Variants in EIF4G3 observed in about 807,000 individuals in gnomAD.
EIF4G3 encodes eIF-4-gamma 3.
In EIF4G3, 34 loss-of-function variants were observed where a neutral mutation model predicts 186.4. The ratio of observed to expected loss-of-function variants is 0.18; its 90% CI spans 0.14 to 0.24. The LOEUF (loss-of-function observed/expected upper bound fraction) is 0.24. EIF4G3 is among the 10% of genes least tolerant of loss of function. The pLI, the probability that EIF4G3 is intolerant of heterozygous loss-of-function variation, is 1.00. For synonymous variants in EIF4G3, 673 were observed against 679.5 expected (o/e 0.99, Z 0.15); for missense variants, 1,536 against 1,948.5 (o/e 0.79, Z 3.99).
chr1:21,080,252 G>A (rs1451322208), intron 3 of EIF4G3, among the ~76,000 whole-genome samples: 1 of 61,406 alleles, frequency 1.6e-5, no homozygotes, highest in Non-Finnish European at 4.5e-5. Flanking sequence ...GGAGTTTAAG[G>A]CTGCAGTGAG....
At chr1:21,003,176 T>TC (rs1343684240) in intron 4 of EIF4G3, among the ~76,000 whole-genome samples, 1 of 149,490 alleles carries the variant, frequency 6.7e-6, no homozygotes, top group Non-Finnish European at 1.5e-5. Context: ...TTTTTCTTTT[T>TC]TTTTTTTTTT....
intron 14 of EIF4G3, chr1:20,941,261 T>C: frequency 1.9e-6 from 3 of 1,549,546 alleles, no homozygotes; most frequent in Non-Finnish European, 2.6e-6. Context: ...ACATATACCT[T>C]GGAGGCATTT....
chr1:21,081,632 T>C (rs2095790002), intron 3 of EIF4G3, among the ~76,000 whole-genome samples: 1 of 145,810 alleles, frequency 6.9e-6, no homozygotes, highest in Admixed American at 7.0e-5. Flanking sequence ...AGAAGATGAG[T>C]CCAATTTTTT....
chr1:20,859,861 G>A (rs552070202), intron 24 of EIF4G3, among the ~76,000 whole-genome samples: 37 of 152,300 alleles, frequency 2.4e-4, no homozygotes, highest in South Asian at 6.2e-4. Context: ...CCGAAGTGCT[G>A]GGATTACAGG....
intron 2 of EIF4G3, among the ~76,000 whole-genome samples, chr1:21,099,522 C>A (rs765362159): frequency 6.6e-6 from 1 of 152,216 alleles, no homozygotes; most frequent in Admixed American, 6.5e-5. Context: ...TCACTGCACT[C>A]CTGCCTGGGC....
At chr1:21,105,232 G>A (rs1394291613) in intron 2 of EIF4G3, among the ~76,000 whole-genome samples, 1 of 152,194 alleles carries the variant, frequency 6.6e-6, no homozygotes, top group East Asian at 1.9e-4. Context: ...AGACCAGCCT[G>A]GCCAACGTGG....
intron 4 of EIF4G3, among the ~76,000 whole-genome samples, chr1:21,007,485 A>ATGT (rs1323320551): frequency 7.2e-6 from 1 of 139,532 alleles, no homozygotes; most frequent in Non-Finnish European, 1.5e-5. Context: ...GGAGCTCACT[A>ATGT]TGTGAATATA....
intron 29 of EIF4G3, among the ~76,000 whole-genome samples, chr1:20,847,019 C>T (rs868604633): frequency 5.3e-5 from 8 of 152,142 alleles, no homozygotes; most frequent in Admixed American, 1.3e-4. Context: ...AAGTCTTTAG[C>T]CTGACACACT....
intron 4 of EIF4G3, among the ~76,000 whole-genome samples, chr1:21,043,563 C>A (rs2093694402): frequency 1.3e-5 from 2 of 152,130 alleles, no homozygotes; most frequent in African/African-American, 4.8e-5. Context: ...CTGCTTTAGG[C>A]ACATTTCAAG....
intron 6 of EIF4G3, 39 bp downstream of exon 6, chr1:21,001,160 C>CTT (rs1417799762): frequency 2.1e-6 from 1 of 471,130 alleles, no homozygotes; most frequent in Non-Finnish European, 4.4e-6. Context: ...GCCAGAGGCA[C>CTT]CACTGCCTGC....
intron 4 of EIF4G3, among the ~76,000 whole-genome samples, chr1:21,011,280 T>C (rs1367730478): frequency 4.0e-5 from 6 of 151,618 alleles, no homozygotes; most frequent in Non-Finnish European, 8.8e-5. Flanking sequence ...AACTTTTCAA[T>C]TTTTCTTATT....
rs559289896 is a variant in EIF4G3 at position 20,860,388 on chromosome 1, G to T, written c.3241C>A (p.Pro1081Thr). 11 of 1,613,726 alleles carry T rather than the reference G, an allele frequency of 6.8e-6. No individual in the cohort carries two copies. Among genetic ancestry groups the T allele is most frequent in the African/African-American group, 1.3e-5 (1 of 74,820 alleles). Residue 1081 changes from proline (P) to threonine (T), a missense_variant, in exon 24 of 37, where the codon CCA becomes ACA. This residue lies in a region of EIF4G3 where 110 missense variants were observed against 166.2 expected (regional missense o/e 0.66). Transcript: ENST00000602326. ...CCCTGGTGGATTCCGGCCTCACCTGGTCTTCTCTTCTCTTTGGTCATGAGT... is the reference window on the plus strand; with the variant it reads ...CCCTGGTGGATTCCGGCCTCACCTGTTCTTCTCTTCTCTTTGGTCATGAGT... The part of the protein sequence containing the change: ...QQLMTKEKRR[P>T]GVQRVDEGGW...
intron 2 of EIF4G3, chr1:21,161,347 T>C (rs2097763555): frequency 6.7e-6 from 1 of 148,292 alleles, no homozygotes; most frequent in African/African-American, 2.5e-5. Flanking sequence ...CTACTAAAAA[T>C]ACAAAATTAG....
At position 20,899,688 on chromosome 1, in the gene EIF4G3, T is replaced by C; in HGVS notation, c.1999+9A>G. The C allele has an allele frequency of 6.2e-7, 1 of 1,614,014 alleles. No individual in the cohort carries two copies. Among genetic ancestry groups the C allele is most frequent in the African/African-American group, 1.3e-5 (1 of 75,060 alleles). ...AAAGAGGTACATAGGAAGGCAGGTA[T>C]AAACTTACCTGGTTTAAATGGAAAT... is the stretch of plus-strand genomic sequence containing the variant. On this transcript the variant is annotated intron_variant, in intron 16 of 36. Coordinates refer to ENST00000602326, the MANE Select transcript of EIF4G3 (RefSeq NM_001391906.1).
intron 20 of EIF4G3, among the ~76,000 whole-genome samples, chr1:20,876,465 CTG>C (rs1265456075): frequency 7.6e-6 from 1 of 131,084 alleles, no homozygotes; most frequent in Non-Finnish European, 1.7e-5. Flanking sequence ...AAAAAACAAA[CTG>C]AAAATAATTT....
intron 4 of EIF4G3, chr1:21,003,940 G>A (rs1291962799): frequency 1.1e-5 from 2 of 176,334 alleles, no homozygotes; most frequent in African/African-American, 2.4e-5. Flanking sequence ...CACGATTATG[G>A]CAGCACAAAA....
intron 20 of EIF4G3, 116 bp from the exon 21 acceptor site, chr1:20,865,378 A>G: frequency 8.9e-7 from 1 of 1,122,610 alleles, no homozygotes; most frequent in Non-Finnish European, 1.3e-6. Flanking sequence ...AGCATTCTAT[A>G]AGAGGCAAAC....
intron 12 of EIF4G3, among the ~76,000 whole-genome samples, chr1:20,967,922 T>C (rs144759513): frequency 3.9e-4 from 60 of 152,262 alleles, no homozygotes; most frequent in African/African-American, 1.3e-3. Context: ...CCTTAATAGC[T>C]TTCTTTTTAT....
intron 2 of EIF4G3, among the ~76,000 whole-genome samples, chr1:21,155,262 C>CAAAAAAAAA (rs34182850): frequency 8.3e-4 from 36 of 43,174 alleles, no homozygotes; most frequent in East Asian, 1.6e-3. Context: ...GACTCTGTCT[C>CAAAAAAAAA]AAAAAAAAAA....
Sources: allele counts gnomAD v4.1 joint callset (sites outside exome capture counted in the v4.1 genomes callset), GRCh38; gene constraint gnomAD v4.1.1; regional missense constraint gnomAD v4.1.1; transcripts MANE v1.5; gene names NCBI Gene and HGNC (gene_info 2026-07-23, HGNC 2026-07-21).